The following ACTR3 variants were observed in gnomAD, a reference collection of about 807,000 sequenced individuals.
ACTR3 encodes the protein actin related protein 3, also known as actin-related protein 3.
ACTR3 carries 12 observed loss-of-function variants against 56.8 expected under a neutral mutation model. The ratio of observed to expected loss-of-function variants is 0.21; its 90% CI spans 0.14 to 0.34. The LOEUF is 0.34. ACTR3 is among the 10% of genes least tolerant of loss of function. The probability of loss-of-function intolerance (pLI) is 1.00; values close to 1 mark genes in which losing one functional copy is unlikely to be tolerated. For synonymous variants in ACTR3, 162 were observed against 167.4 expected, an observed-to-expected ratio of 0.97 and a Z score of 0.25; for missense variants, 282 against 512.5, an observed-to-expected ratio of 0.55 and a Z score of 4.34.
At chr2:113,945,742 A>G (rs765484099) in intron 8 of ACTR3, among the ~76,000 whole-genome samples, 13 of 151,982 alleles carry the variant, frequency 8.6e-5, no homozygotes, top group Non-Finnish European at 1.8e-4. Context: ...GTCCCCAGGT[A>G]TTATTAAGTC....
chr2:113,906,565 C>T (rs1391835456), intron 1 of ACTR3, among the ~76,000 whole-genome samples: 1 of 151,906 alleles, frequency 6.6e-6, no homozygotes, highest in Non-Finnish European at 1.5e-5. Flanking sequence ...AGCTTTTCAC[C>T]TTATGTTTTT....
chr2:113,951,732 T>C lies in ACTR3; in HGVS notation c.964T>C (p.Ser322Pro). The C allele has an allele frequency of 6.2e-7, 1 of 1,610,758 alleles. No homozygotes were observed. The highest frequency in any genetic ancestry group is 8.5e-7 in the Non-Finnish European group (1 of 1,177,730). Residue 322 changes from serine to proline, a missense_variant, in exon 10 of 12, where the codon TCT becomes CCT. Physicochemically the swap from Ser to Pro is moderately conservative, Grantham distance 74 (BLOSUM62 -1). Transcript: ENST00000263238. The part of the protein sequence containing the change: ...RRPLYKNIVL[S>P]GGSTMFRDFG... ...TTCTCTCCACTAGAATATTGTCCTC[T>C]CTGGAGGTTCAACCATGTTCAGGGA...
chr2:113,902,426 A>G (rs781053144), intron 1 of ACTR3, among the ~76,000 whole-genome samples: 7 of 151,958 alleles, frequency 4.6e-5, no homozygotes, highest in Non-Finnish European at 8.8e-5. Context: ...AGTACAGCTA[A>G]ACCTCAGCTA....
At chr2:113,893,937 T>C (rs1468631570) in intron 1 of ACTR3, among the ~76,000 whole-genome samples, 1 of 152,186 alleles carries the variant, frequency 6.6e-6, no homozygotes. Flanking sequence ...GAGGAGTATG[T>C]TCATCTTGTG....
chr2:113,944,852 T>C (rs1214037224), intron 8 of ACTR3, among the ~76,000 whole-genome samples: 1 of 152,154 alleles, frequency 6.6e-6, no homozygotes, highest in Non-Finnish European at 1.5e-5. Flanking sequence ...ATATTAATAG[T>C]ATGGGGCATC....
chr2:113,942,796 AAT>A (rs1290760965), intron 8 of ACTR3, among the ~76,000 whole-genome samples: 1 of 152,134 alleles, frequency 6.6e-6, no homozygotes, highest in Non-Finnish European at 1.5e-5. Context: ...CTAGTAGCAA[AAT>A]AGTCTTCTGT....
intron 4 of ACTR3, among the ~76,000 whole-genome samples, chr2:113,930,961 A>G (rs113153829): frequency 0.013 from 1,923 of 152,204 alleles, 41 homozygotes; most frequent in African/African-American, 0.044. Context: ...TGTCATTACC[A>G]TATTTAAAGG....
At chr2:113,954,038 C>G (rs1400437287) in intron 10 of ACTR3, 1 of 152,072 alleles carries the variant, frequency 6.6e-6, no homozygotes, top group Non-Finnish European at 1.5e-5. Context: ...TGTAGCATAT[C>G]CTTCAGCTTG....
chr2:113,890,637 G>A, intron 1 of ACTR3: 3 of 1,269,628 alleles, frequency 2.4e-6, no homozygotes, highest in Non-Finnish European at 2.0e-6. Context: ...GCTGGGGACG[G>A]TCGTCTTGGG....
chr2:113,904,582 C>T (rs1390190764), intron 1 of ACTR3: 1 of 152,162 alleles, frequency 6.6e-6, no homozygotes, highest in Admixed American at 6.5e-5. Context: ...GTGTGGACAA[C>T]TGTTTTTATT....
chr2:113,941,014 A>C (rs551871073), intron 7 of ACTR3, among the ~76,000 whole-genome samples: 2 of 151,882 alleles, frequency 1.3e-5, no homozygotes, highest in Non-Finnish European at 2.9e-5. Context: ...AGGTCTTGCT[A>C]TGTTGCCCAG....
chr2:113,896,663 A>C (rs920992881), intron 1 of ACTR3, among the ~76,000 whole-genome samples: 1 of 152,266 alleles, frequency 6.6e-6, no homozygotes, highest in African/African-American at 2.4e-5. Flanking sequence ...TGAAGCTAAT[A>C]AGATGAGAGC....
At chr2:113,955,510 C>T in intron 10 of ACTR3, 113 bp from the exon 11 acceptor site, 2 of 738,122 alleles carry the variant, frequency 2.7e-6, no homozygotes, top group Non-Finnish European at 4.4e-6. Context: ...TTGTAAGATA[C>T]CACCTGAATT....
intron 3 of ACTR3, among the ~76,000 whole-genome samples, chr2:113,925,672 A>G (rs12478153): frequency 0.092 from 14,012 of 152,254 alleles, 1,049 homozygotes; most frequent in African/African-American, 0.2. Context: ...TTGAATTTGT[A>G]AACTTCTAAT....
intron 1 of ACTR3, among the ~76,000 whole-genome samples, chr2:113,898,216 T>G (rs546213076): frequency 6.6e-6 from 1 of 152,162 alleles, no homozygotes; most frequent in African/African-American, 2.4e-5. Context: ...TAAAATTCAG[T>G]TACTCAAGGG....
intron 1 of ACTR3, among the ~76,000 whole-genome samples, chr2:113,909,037 C>T (rs921377451): frequency 6.6e-6 from 1 of 152,082 alleles, no homozygotes; most frequent in African/African-American, 2.4e-5. Flanking sequence ...AGCAGTCTGC[C>T]TAACTAATGT....
intron 8 of ACTR3, among the ~76,000 whole-genome samples, chr2:113,945,834 C>G (rs890003159): frequency 6.6e-6 from 1 of 152,106 alleles, no homozygotes; most frequent in African/African-American, 2.4e-5. Context: ...CTGTTGTTTC[C>G]CTCCGTATGT....
At chr2:113,903,742 CT>C (rs1189272466) in intron 1 of ACTR3, among the ~76,000 whole-genome samples, 1 of 152,156 alleles carries the variant, frequency 6.6e-6, no homozygotes, top group Non-Finnish European at 1.5e-5. Flanking sequence ...GATCTACCCA[CT>C]TCGGCCTCCC....
At chr2:113,914,011 C>T (rs1406446747) in intron 2 of ACTR3, among the ~76,000 whole-genome samples, 3 of 152,228 alleles carry the variant, frequency 2.0e-5, no homozygotes, top group East Asian at 3.9e-4. Flanking sequence ...CCTTTTGAGC[C>T]GTTGCTTAGT....
Sources: gnomAD v4.1 joint callset for allele counts (sites outside exome capture counted in the v4.1 genomes callset) on GRCh38, gnomAD v4.1.1 for gene constraint, MANE v1.5 for transcripts, NCBI Gene and HGNC (gene_info 2026-07-23, HGNC 2026-07-21) for gene names.